DLC1: variants seen among roughly 807,000 people sequenced by gnomAD.
DLC1 encodes the protein DLC1 Rho GTPase activating protein.
In DLC1, 54 loss-of-function variants were observed where a neutral mutation model predicts 140.3. The observed-to-expected ratio is 0.38, with a 90% CI of 0.31 to 0.48. The LOEUF is 0.48. DLC1 is among the 20% of genes least tolerant of loss of function. The pLI is 0.96. For missense variants in DLC1, 2,536 were observed against 1,907.0 expected (o/e 1.33, Z -6.14); for synonymous variants, 986 against 728.1 (o/e 1.35, Z -5.70).
rs59645086 is a variant in DLC1, at chr8:13,103,531, C to G, written c.1503-678G>C. Reference sequence around the variant, plus strand: ...GGTTGAGCCATTATGGACTGCCGCACATGGAGCCAAGAAAGAAAAGTTTGT... The same window carrying G: ...GGTTGAGCCATTATGGACTGCCGCAGATGGAGCCAAGAAAGAAAAGTTTGT... On this transcript the variant is annotated intron_variant, in intron 7 of 17. Coordinates refer to ENST00000276297, the MANE Select transcript of DLC1 (RefSeq NM_182643.3). 4.7e-3 allele frequency among the ~76,000 whole-genome samples: 713 copies of G among 151,822 alleles called. 15 individuals are homozygous for G. The highest frequency in any genetic ancestry group is 0.046 in the East Asian group (237 of 5,132).
chr8:13,327,803 A>G (rs1430631438), intron 4 of DLC1, among the ~76,000 whole-genome samples: 1 of 152,240 alleles, frequency 6.6e-6, no homozygotes, highest in Non-Finnish European at 1.5e-5. Flanking sequence ...TCAATGTTAA[A>G]CAAATAATTA....
At chr8:13,264,052 T>TTTTATTTATTGA (rs1554484715) in intron 5 of DLC1, among the ~76,000 whole-genome samples, 12 of 143,094 alleles carry the variant, frequency 8.4e-5, no homozygotes, top group Admixed American at 7.0e-4. Context: ...ATAAGAAGCT[T>TTTTATTTATTGA]TTTATTTATT....
upstream of DLC1, among the ~76,000 whole-genome samples, chr8:13,518,092 C>A (rs1456793898): frequency 8.0e-6 from 1 of 125,090 alleles, no homozygotes; most frequent in Admixed American, 9.0e-5. Flanking sequence ...TTTTAAAGAT[C>A]ACCTTTCTTT....
At chr8:13,300,472 A>G (rs555381222) in intron 5 of DLC1, among the ~76,000 whole-genome samples, 4 of 152,018 alleles carry the variant, frequency 2.6e-5, no homozygotes, top group Non-Finnish European at 5.9e-5. Flanking sequence ...TTAAAAACAA[A>G]CTCTCCAACC....
At chr8:13,108,779 T>A (rs892953115) in intron 7 of DLC1, among the ~76,000 whole-genome samples, 1 of 152,154 alleles carries the variant, frequency 6.6e-6, no homozygotes, top group Non-Finnish European at 1.5e-5. Context: ...CAGTGATGGA[T>A]TGAAAACAGA....
At chr8:13,227,071 G>A (rs1828827543) in intron 5 of DLC1, among the ~76,000 whole-genome samples, 2 of 152,166 alleles carry the variant, frequency 1.3e-5, no homozygotes, top group African/African-American at 4.8e-5. Flanking sequence ...TGACCACTGA[G>A]CTTATTCTGA....
intron 6 of DLC1, among the ~76,000 whole-genome samples, chr8:13,111,670 T>C (rs1050353414): frequency 6.6e-6 from 1 of 152,086 alleles, no homozygotes; most frequent in East Asian, 1.9e-4. Context: ...AAATTGCCAC[T>C]GGATAAAGGC....
chr8:13,245,225 G>A (rs779372144), intron 5 of DLC1, among the ~76,000 whole-genome samples: 18 of 152,160 alleles, frequency 1.2e-4, no homozygotes, highest in Non-Finnish European at 2.4e-4. Context: ...TAGGTGCTCC[G>A]TTGAGGCCCC....
At chr8:13,426,067 C>CCT (rs1406295401) in intron 2 of DLC1, among the ~76,000 whole-genome samples, 1 of 152,092 alleles carries the variant, frequency 6.6e-6, no homozygotes, top group South Asian at 2.1e-4. Flanking sequence ...CCTGCCTTGC[C>CCT]CTCTCAAAGT....
chr8:13,222,426 A>T (rs1828601744), intron 5 of DLC1, among the ~76,000 whole-genome samples: 1 of 152,100 alleles, frequency 6.6e-6, no homozygotes, highest in African/African-American at 2.4e-5. Flanking sequence ...GTTTTGTTTT[A>T]TGTAGGTTAG....
At chr8:13,170,447 C>T (rs112212946) in intron 5 of DLC1, among the ~76,000 whole-genome samples, 1 of 152,018 alleles carries the variant, frequency 6.6e-6, no homozygotes, top group South Asian at 2.1e-4. Context: ...AATGTGTTTC[C>T]GGGCCGGGCG....
At chr8:13,113,279 C>T (rs1156494464) in intron 6 of DLC1, among the ~76,000 whole-genome samples, 2 of 152,066 alleles carry the variant, frequency 1.3e-5, no homozygotes, top group Non-Finnish European at 2.9e-5. Context: ...TCAAGCTTAA[C>T]AGGGGGACAT....
chr8:13,481,699 A>G (rs1247440933), intron 2 of DLC1, among the ~76,000 whole-genome samples: 3 of 152,016 alleles, frequency 2.0e-5, no homozygotes, highest in East Asian at 3.9e-4. Context: ...GTTGAACTGG[A>G]CCCCTCTCCC....
chr8:13,500,196 C>G lies in DLC1; in HGVS notation c.-125G>C. 1.2e-6 allele frequency: 1 copy of G among 863,686 alleles called. No homozygotes were observed. The allele number at this position is 863,686 out of a possible 1,614,324, so 53.5% of individuals were successfully genotyped here. A position where few individuals can be genotyped will look rare whatever the true frequency, so the allele number is the denominator to read the frequency against. ...GCGAATGAGTTCTGTCATTTCACCA[C>G]CTATTAAAAAATTCAAAAAAATATG... On this transcript the variant is annotated splice_region_variant and 5_prime_UTR_variant, in exon 2 of 18. Transcript: ENST00000276297.
At chr8:13,354,138 C>G (rs543215816) in intron 4 of DLC1, among the ~76,000 whole-genome samples, 1 of 152,024 alleles carries the variant, frequency 6.6e-6, no homozygotes, top group African/African-American at 2.4e-5. Flanking sequence ...TGGCTCATTC[C>G]TATTGATCAA....
At chr8:13,424,560 G>T (rs1838469524) in intron 2 of DLC1, among the ~76,000 whole-genome samples, 1 of 151,978 alleles carries the variant, frequency 6.6e-6, no homozygotes, top group African/African-American at 2.4e-5. Context: ...TTGTGCTGTT[G>T]GTCCAAAATT....
chr8:13,506,820 C>T (rs368844052), intron 1 of DLC1, among the ~76,000 whole-genome samples: 4 of 151,920 alleles, frequency 2.6e-5, no homozygotes, highest in East Asian at 3.9e-4. Context: ...AGCATATGAA[C>T]GAAGAAGAAG....
At chr8:13,478,527 A>G (rs1044157705) in intron 2 of DLC1, among the ~76,000 whole-genome samples, 1 of 152,166 alleles carries the variant, frequency 6.6e-6, no homozygotes, top group African/African-American at 2.4e-5. Flanking sequence ...CTGTTCAAAG[A>G]TGAACTCATA....
intron 2 of DLC1, among the ~76,000 whole-genome samples, chr8:13,408,120 C>G (rs571783171): frequency 2.0e-5 from 3 of 152,114 alleles, no homozygotes; most frequent in African/African-American, 7.2e-5. Flanking sequence ...CACTGTGTTT[C>G]AATTTGAAAC....
Sources: gnomAD v4.1 joint callset for allele counts (sites outside exome capture counted in the v4.1 genomes callset) on GRCh38, gnomAD v4.1.1 for gene constraint, MANE v1.5 for transcripts, NCBI Gene and HGNC (gene_info 2026-07-23, HGNC 2026-07-21) for gene names.